Variants in NAALADL2 observed in about 807,000 individuals in gnomAD.
NAALADL2 encodes N-acetylated alpha-linked acidic dipeptidase like 2.
A neutral mutation model predicts 87.2 loss-of-function variants in NAALADL2; 76 were observed. The observed-to-expected ratio is 0.87, with a 90% CI of 0.72 to 1.05. NAALADL2 has a LOEUF of 1.05. NAALADL2 is among the 50% of genes least tolerant of loss of function. The probability of loss-of-function intolerance (pLI) is 0.00; values close to 1 mark genes in which losing one functional copy is unlikely to be tolerated. For missense variants in NAALADL2, 1,089 were observed against 945.8 expected, an observed-to-expected ratio of 1.15 and a Z score of -1.99; for synonymous variants, 354 against 331.0, an observed-to-expected ratio of 1.07 and a Z score of -0.75.
At chr3:174,495,179 T>C (rs942146335) in intron 1 of NAALADL2, among the ~76,000 whole-genome samples, 1 of 151,898 alleles carries the variant, frequency 6.6e-6, no homozygotes, top group African/African-American at 2.4e-5. Flanking sequence ...TGCCATCTAT[T>C]TGTAAATTCA....
intron 2 of NAALADL2, among the ~76,000 whole-genome samples, chr3:174,566,274 C>G (rs1416028493): frequency 6.6e-6 from 1 of 151,842 alleles, no homozygotes; most frequent in East Asian, 1.9e-4. Flanking sequence ...GTAGATTTAA[C>G]TTTCATTCTA....
At chr3:175,650,844 T>G (rs1730667945) in intron 11 of NAALADL2, among the ~76,000 whole-genome samples, 1 of 152,216 alleles carries the variant, frequency 6.6e-6, no homozygotes, top group Non-Finnish European at 1.5e-5. Context: ...ACATTTAGGG[T>G]GTTATAACAT....
At chr3:174,622,454 G>A (rs530195662) in intron 2 of NAALADL2, among the ~76,000 whole-genome samples, 7 of 152,248 alleles carry the variant, frequency 4.6e-5, no homozygotes, top group Non-Finnish European at 1.0e-4. Flanking sequence ...AGCATTTACA[G>A]TTGACCATTG....
At chr3:175,718,720 G>A (rs903454098) in intron 11 of NAALADL2, 2 of 1,331,508 alleles carry the variant, frequency 1.5e-6, no homozygotes, top group Non-Finnish European at 2.1e-6. Flanking sequence ...GAGGCGTGGA[G>A]ATCAAGACCA....
At chr3:174,703,677 GC>G (rs1259499243) in intron 2 of NAALADL2, among the ~76,000 whole-genome samples, 1 of 152,060 alleles carries the variant, frequency 6.6e-6, no homozygotes, top group Non-Finnish European at 1.5e-5. Context: ...GGGATTTTTA[GC>G]TACACCAGAT....
At chr3:175,406,991 G>A (rs1712527092) in intron 5 of NAALADL2, among the ~76,000 whole-genome samples, 1 of 152,024 alleles carries the variant, frequency 6.6e-6, no homozygotes, top group Non-Finnish European at 1.5e-5. Context: ...GACCAGCCTG[G>A]CTAACATGGT....
At chr3:174,664,545 T>G (rs1725793051) in intron 2 of NAALADL2, among the ~76,000 whole-genome samples, 1 of 152,192 alleles carries the variant, frequency 6.6e-6, no homozygotes, top group Admixed American at 6.5e-5. Flanking sequence ...TCTTTGACAT[T>G]GTATTAAAAA....
rs555938522 is a variant in NAALADL2 at position 174,559,947 on chromosome 3, G to T, written c.-115+9310G>T. On this transcript the variant is annotated intron_variant, in intron 2 of 3. Transcript: ENST00000434257. The stretch of plus-strand genomic sequence containing the variant: ...TCCGACTCTACCACTGACACGTTGT[G>T]TCTTTGAGCAGATCATTTTTACCTT... 3.3e-5 allele frequency among the ~76,000 whole-genome samples: 5 copies of T among 152,310 alleles called. No individual in the cohort carries two copies. In the East Asian group the frequency reaches 9.7e-4, roughly 29 times the overall value.
At chr3:175,047,424 A>C (rs1025588095) in intron 1 of NAALADL2, among the ~76,000 whole-genome samples, 9 of 152,152 alleles carry the variant, frequency 5.9e-5, no homozygotes, top group African/African-American at 1.9e-4. Context: ...TAGGTCTGTA[A>C]TAAGTTTATT....
At chr3:174,908,787 A>T (rs1339232999) in intron 1 of NAALADL2, among the ~76,000 whole-genome samples, 1 of 152,098 alleles carries the variant, frequency 6.6e-6, no homozygotes, top group Non-Finnish European at 1.5e-5. Flanking sequence ...TTAAAAATTG[A>T]TGTTTGTCTG....
At chr3:175,469,630 C>A (rs1724581404) in intron 8 of NAALADL2, among the ~76,000 whole-genome samples, 1 of 152,098 alleles carries the variant, frequency 6.6e-6, no homozygotes, top group African/African-American at 2.4e-5. Context: ...AGTACCATTT[C>A]TTCTGTGAAG....
chr3:175,049,552 C>G (rs894213588), intron 1 of NAALADL2, among the ~76,000 whole-genome samples: 1 of 152,182 alleles, frequency 6.6e-6, no homozygotes, highest in African/African-American at 2.4e-5. Flanking sequence ...TTTGTATCCC[C>G]TCTATTTGAG....
intron 5 of NAALADL2, among the ~76,000 whole-genome samples, chr3:175,399,841 C>T (rs942206140): frequency 1.3e-5 from 2 of 152,108 alleles, no homozygotes; most frequent in Admixed American, 1.3e-4. Flanking sequence ...CCAGTTCAAA[C>T]ACCTCTGACG....
chr3:175,410,788 C>T (rs1382584816), intron 5 of NAALADL2, among the ~76,000 whole-genome samples: 4 of 152,060 alleles, frequency 2.6e-5, no homozygotes, highest in African/African-American at 7.2e-5. Context: ...TTAGAGAACT[C>T]GGCAGGTGGT....
At chr3:174,535,073 C>T (rs1009585815) in intron 1 of NAALADL2, among the ~76,000 whole-genome samples, 8 of 152,068 alleles carry the variant, frequency 5.3e-5, no homozygotes, top group African/African-American at 1.9e-4. Flanking sequence ...AGACAAAAAC[C>T]TTCATCAATC....
intron 10 of NAALADL2, among the ~76,000 whole-genome samples, chr3:175,578,240 G>A (rs1469159565): frequency 6.6e-6 from 1 of 152,060 alleles, no homozygotes; most frequent in South Asian, 2.1e-4. Flanking sequence ...TGGGCAACAC[G>A]GTGAAATCTT....
chr3:175,343,929 C>T (rs1050248087), intron 5 of NAALADL2, among the ~76,000 whole-genome samples: 4 of 151,816 alleles, frequency 2.6e-5, no homozygotes, highest in African/African-American at 9.7e-5. Context: ...AGCAACTAAA[C>T]CAGTCTTCTT....
chr3:174,864,177 G>A, intron 1 of NAALADL2: 1 of 406,094 alleles, frequency 2.5e-6, no homozygotes, highest in Admixed American at 2.9e-5. Flanking sequence ...GAGGGTCTTT[G>A]CAGCAGGCAA....
At chr3:174,960,283 G>A (rs1741785820) in intron 1 of NAALADL2, among the ~76,000 whole-genome samples, 1 of 152,032 alleles carries the variant, frequency 6.6e-6, no homozygotes, top group Admixed American at 6.6e-5. Context: ...CTATTATTGG[G>A]TATGTCAGAA....
Sources: gnomAD v4.1 joint callset for allele counts (sites outside exome capture counted in the v4.1 genomes callset) on GRCh38, gnomAD v4.1.1 for gene constraint, MANE v1.5 for transcripts, NCBI Gene and HGNC (gene_info 2026-07-23, HGNC 2026-07-21) for gene names.